CLASP1: variants seen among roughly 807,000 people sequenced by gnomAD.
The protein encoded by CLASP1 is CLIP-associating protein 1.
Under a neutral mutation model 192.3 loss-of-function variants are expected in CLASP1, and 38 were observed. The observed-to-expected ratio is 0.20, with a 90% CI of 0.15 to 0.26. CLASP1 has a LOEUF of 0.26. Among genes scored for constraint, CLASP1 ranks in the 10% least tolerant of loss-of-function variants. The pLI is 1.00. For missense variants in CLASP1, 1,433 were observed against 1,932.5 expected, an observed-to-expected ratio of 0.74 and a Z score of 4.85; for synonymous variants, 691 against 712.8, an observed-to-expected ratio of 0.97 and a Z score of 0.49.
chr2:121,352,489 T>A (rs527854634), intron 37 of CLASP1, among the ~76,000 whole-genome samples: 1 of 152,320 alleles, frequency 6.6e-6, no homozygotes, highest in East Asian at 1.9e-4. Context: ...GGTGTGTACG[T>A]GTGGCCTTTC....
At chr2:121,609,727 G>T (rs957798022) in intron 1 of CLASP1, among the ~76,000 whole-genome samples, 23 of 152,200 alleles carry the variant, frequency 1.5e-4, no homozygotes, top group Admixed American at 1.3e-4. Context: ...CGGATCATGA[G>T]GTCAGGAGAT....
intron 1 of CLASP1, among the ~76,000 whole-genome samples, chr2:121,641,957 G>A (rs905349581): frequency 6.6e-6 from 1 of 151,870 alleles, no homozygotes; most frequent in Non-Finnish European, 1.5e-5. Flanking sequence ...CCAGGAGTTC[G>A]AGTAGCCTAG....
intron 22 of CLASP1, among the ~76,000 whole-genome samples, chr2:121,422,623 G>C (rs995001461): frequency 6.6e-6 from 1 of 151,886 alleles, no homozygotes; most frequent in Non-Finnish European, 1.5e-5. Flanking sequence ...AAATCACCAA[G>C]AAAAAAGAGT....
intron 8 of CLASP1, among the ~76,000 whole-genome samples, chr2:121,492,942 T>G (rs1275103628): frequency 6.6e-6 from 1 of 152,186 alleles, no homozygotes; most frequent in Non-Finnish European, 1.5e-5. Context: ...CATCAATAGA[T>G]GCACAGTTGC....
intron 2 of CLASP1, among the ~76,000 whole-genome samples, chr2:121,585,097 G>GTTTCTC (rs1347139054): frequency 1.3e-5 from 2 of 152,178 alleles, no homozygotes; most frequent in East Asian, 3.8e-4. Context: ...AAACTATGGA[G>GTTTCTC]AGATTAAGAA....
At chr2:121,602,185 A>G (rs896979696) in intron 2 of CLASP1, among the ~76,000 whole-genome samples, 10 of 151,922 alleles carry the variant, frequency 6.6e-5, no homozygotes, top group East Asian at 3.9e-4. Context: ...AAAAAAAAAA[A>G]AAGAAGAAGA....
At chr2:121,593,940 G>A (rs892151731) in intron 2 of CLASP1, among the ~76,000 whole-genome samples, 30 of 151,518 alleles carry the variant, frequency 2.0e-4, no homozygotes, top group Admixed American at 1.1e-3. Flanking sequence ...CCCGGGAGGC[G>A]GAGGTTGCGG....
At chr2:121,404,311 T>C in intron 26 of CLASP1, 60 bp downstream of exon 27, 6 of 1,587,316 alleles carry the variant, frequency 3.8e-6, no homozygotes, top group Non-Finnish European at 4.3e-6. Context: ...GGGTAGTATA[T>C]CACACAGAGC....
intron 8 of CLASP1, among the ~76,000 whole-genome samples, chr2:121,486,004 G>GA (rs1271592184): frequency 7.2e-5 from 11 of 152,186 alleles, no homozygotes; most frequent in Non-Finnish European, 1.6e-4. Flanking sequence ...ACCCAGACCT[G>GA]AAAACCAGGC....
At chr2:121,414,809 G>A (rs1008055910) in intron 23 of CLASP1, among the ~76,000 whole-genome samples, 2 of 152,150 alleles carry the variant, frequency 1.3e-5, no homozygotes, top group African/African-American at 4.8e-5. Context: ...TTTGAGACAA[G>A]GTCTCACTCT....
intron 30 of CLASP1, among the ~76,000 whole-genome samples, chr2:121,388,609 G>C (rs1429939485): frequency 6.6e-6 from 1 of 152,196 alleles, no homozygotes; most frequent in Admixed American, 6.5e-5. Flanking sequence ...TGGTCAATGA[G>C]GCTCGGGCTT....
chr2:121,588,892 T>C (rs1159322739), intron 2 of CLASP1, among the ~76,000 whole-genome samples: 2 of 152,222 alleles, frequency 1.3e-5, no homozygotes, highest in Admixed American at 6.5e-5. Context: ...GGAGCGACCA[T>C]TTTCGTGCAC....
At chr2:121,380,668 CTT>C (rs2071426270) in intron 33 of CLASP1, among the ~76,000 whole-genome samples, 1 of 152,164 alleles carries the variant, frequency 6.6e-6, no homozygotes, top group African/African-American at 2.4e-5. Context: ...GATAGTCATT[CTT>C]TGTTATGGAA....
chr2:121,376,526 T>TGGGGGGGTGGCGGGGAGGGGG (rs2070198250), intron 34 of CLASP1, among the ~76,000 whole-genome samples: 1 of 105,134 alleles, frequency 9.5e-6, no homozygotes, highest in Non-Finnish European at 1.9e-5. Context: ...TGGGAAGGGG[T>TGGGGGGGTGGCGGGGAGGGGG]GGGGGGGGGG....
intron 1 of CLASP1, among the ~76,000 whole-genome samples, chr2:121,626,623 C>T (rs559948608): frequency 4.0e-4 from 61 of 152,102 alleles, no homozygotes; most frequent in African/African-American, 1.4e-3. Context: ...TGGGGTCTTG[C>T]TATGTTGCCC....
chr2:121,426,172 AG>A (rs1201411094), intron 21 of CLASP1, among the ~76,000 whole-genome samples: 1 of 152,176 alleles, frequency 6.6e-6, no homozygotes, highest in Non-Finnish European at 1.5e-5. Context: ...AGAAAAGAAA[AG>A]AAAATGCAAA....
chr2:121,602,919 C>G (rs958142416), intron 2 of CLASP1, among the ~76,000 whole-genome samples: 3 of 151,820 alleles, frequency 2.0e-5, no homozygotes, highest in Non-Finnish European at 4.4e-5. Flanking sequence ...ATAAATAAGA[C>G]CTCAAAAGCA....
At chr2:121,547,684 T>C (rs2057599626) in intron 2 of CLASP1, among the ~76,000 whole-genome samples, 1 of 152,162 alleles carries the variant, frequency 6.6e-6, no homozygotes, top group Non-Finnish European at 1.5e-5. Context: ...AAACCCACGC[T>C]TTTTGAGAAT....
chr2:121,348,758 C>T (rs764551526), intron 37 of CLASP1, 40 bp from the exon 39 acceptor site: 3 of 1,493,620 alleles, frequency 2.0e-6, no homozygotes, highest in Non-Finnish European at 2.7e-6. Flanking sequence ...GCTCCACATG[C>T]CACATGAAGC....
Sources: gnomAD v4.1 joint callset for allele counts (sites outside exome capture counted in the v4.1 genomes callset) on GRCh38, gnomAD v4.1.1 for gene constraint, MANE v1.5 for transcripts, NCBI Gene and HGNC (gene_info 2026-07-23, HGNC 2026-07-21) for gene names.